RXFP2: variants seen among roughly 807,000 people sequenced by gnomAD.
RXFP2 encodes the protein relaxin family peptide receptor 2, also known as relaxin receptor 2.
In RXFP2, 68 loss-of-function variants were observed where a neutral mutation model predicts 88.6. The ratio of observed to expected loss-of-function variants is 0.77; its 90% CI spans 0.63 to 0.94. The LOEUF is 0.94. RXFP2 is among the 40% of genes least tolerant of loss of function. RXFP2 has a pLI of 0.00. For synonymous variants in RXFP2, 329 were observed against 306.8 expected (o/e 1.07, Z -0.76); for missense variants, 791 against 893.9 (o/e 0.88, Z 1.47).
At chr13:31,790,392 G>T (rs1405325712) in intron 14 of RXFP2, among the ~76,000 whole-genome samples, 2 of 152,182 alleles carry the variant, frequency 1.3e-5, no homozygotes, top group East Asian at 3.8e-4. Flanking sequence ...GAGAAGAAAA[G>T]AGTTCATTAT....
intron 2 of RXFP2, among the ~76,000 whole-genome samples, chr13:31,761,326 A>G (rs1872291347): frequency 6.6e-6 from 1 of 152,224 alleles, no homozygotes; most frequent in Non-Finnish European, 1.5e-5. Flanking sequence ...TCAGAACTCA[A>G]TATATCTATC....
Position 31,762,341 on chromosome 13 carries a change from G to A in RXFP2, c.319+540G>A, listed in dbSNP as rs1872337375. 2.6e-5 allele frequency among the ~76,000 whole-genome samples: 4 copies of A among 152,344 alleles called. No homozygotes were observed. The South Asian group carries it at 8.3e-4, about 32-fold the overall frequency. ...GAGATGGACTTTGAAGTCCATGGATGAAGGAAAGGATATGAGGTGACAGGA... is the reference window on the plus strand; with the variant it reads ...GAGATGGACTTTGAAGTCCATGGATAAAGGAAAGGATATGAGGTGACAGGA... On this transcript the variant is annotated intron_variant, in intron 3 of 17. Transcript: ENST00000298386.
At chr13:31,758,676 T>A (rs75437571) in intron 2 of RXFP2, among the ~76,000 whole-genome samples, 2 of 152,222 alleles carry the variant, frequency 1.3e-5, no homozygotes, top group Admixed American at 1.3e-4. Flanking sequence ...TCAATACTCA[T>A]ATTTTAATTA....
intron 6 of RXFP2, 137 bp downstream of exon 6, chr13:31,774,828 T>G (rs988277854): frequency 1.0e-5 from 7 of 677,874 alleles, no homozygotes; most frequent in Non-Finnish European, 1.3e-5. Context: ...AGATTAGTTA[T>G]TACACTGAAA....
intron 14 of RXFP2, 136 bp downstream of exon 14, chr13:31,789,329 AC>A (rs1255002032): frequency 2.9e-6 from 2 of 690,814 alleles, no homozygotes; most frequent in African/African-American, 3.5e-5. Flanking sequence ...TAATTTTGTC[AC>A]CTTTGGTCCC....
chr13:31,784,870 C>G (rs188977834), intron 11 of RXFP2, among the ~76,000 whole-genome samples: 2 of 152,166 alleles, frequency 1.3e-5, no homozygotes, highest in Admixed American at 1.3e-4. Context: ...CTGCTGTCCC[C>G]CTTAACCCTC....
At chr13:31,794,032 T>G (rs1566237043) in intron 16 of RXFP2, among the ~76,000 whole-genome samples, 2 of 152,192 alleles carry the variant, frequency 1.3e-5, no homozygotes. Flanking sequence ...AAAAGGACTG[T>G]GTACACCTCC....
At chr13:31,740,466 A>AT (rs1871186930) in intron 1 of RXFP2, among the ~76,000 whole-genome samples, 2 of 152,062 alleles carry the variant, frequency 1.3e-5, no homozygotes, top group East Asian at 1.9e-4. Flanking sequence ...TTTAATTTGT[A>AT]TTTTTTCTTA....
chr13:31,760,980 G>T (rs1041168381), intron 2 of RXFP2, among the ~76,000 whole-genome samples: 1 of 151,888 alleles, frequency 6.6e-6, no homozygotes, highest in African/African-American at 2.4e-5. Flanking sequence ...TTTGAGACAG[G>T]GTCTCCCTCT....
At position 31,758,348 on chromosome 13, in the gene RXFP2, C is replaced by T; in HGVS notation, c.185C>T (p.Ala62Val). Residue 62 changes from alanine to valine, a missense_variant, in exon 2 of 18, where the codon GCT becomes GTT. By Grantham distance (64) the Ala-to-Val change is moderately conservative. Transcript: ENST00000298386. Reference protein sequence around the residue: ...CGNLTKCLPRAFHCDGKDDCG... With the variant: ...CGNLTKCLPRVFHCDGKDDCG... ...AATCTTACCAAGTGCTTACCCCGAG[C>T]TTTTCACTGTGATGGCAAGGATGAC... 1 of 1,614,112 alleles carries T rather than the reference C, an allele frequency of 6.2e-7. No homozygotes were observed. Among genetic ancestry groups the T allele is most frequent in the Non-Finnish European group, 8.5e-7 (1 of 1,180,002 alleles).
intron 1 of RXFP2, among the ~76,000 whole-genome samples, chr13:31,746,612 C>A (rs1372793511): frequency 6.6e-6 from 1 of 152,176 alleles, no homozygotes; most frequent in Non-Finnish European, 1.5e-5. Context: ...GGGCCAGATT[C>A]TACTTCTTAT....
At position 31,774,707 on chromosome 13, in the gene RXFP2, C is replaced by T; in HGVS notation, c.569+16C>T. 1.1e-5 allele frequency: 14 copies of T among 1,297,100 alleles called. No individual in the cohort carries two copies. The highest frequency in any genetic ancestry group is 1.6e-5 in the Non-Finnish European group (14 of 891,312). 80.3% of individuals were successfully genotyped at this position (1,297,100 alleles called of 1,614,324 possible). ...TGCAAATATTGTGAGTAACCTCTTT[C>T]TCATATTGTAGGTATAATTTTAAGC... On this transcript the variant is annotated intron_variant, in intron 6 of 17. Transcript: ENST00000298386.
intron 3 of RXFP2, among the ~76,000 whole-genome samples, chr13:31,763,551 A>C (rs1036775085): frequency 6.6e-6 from 1 of 152,220 alleles, no homozygotes; most frequent in Admixed American, 6.5e-5. Context: ...AGGAGAAAGA[A>C]TGATGATAAA....
Position 31,802,345 on chromosome 13 carries a change from G to A in RXFP2, c.2205G>A (p.Leu735=), listed in dbSNP as rs1874391221. The A allele has an allele frequency of 6.2e-7, 1 of 1,613,656 alleles. No individual in the cohort carries two copies. The highest frequency in any genetic ancestry group is 1.7e-5 in the Admixed American group (1 of 59,998). ...SIVWIEDSSS[L]KLGVLNKITL... ...TGTGGATAGAGGACTCCTCTTCCCT[G>A]AAACTTGGGGTTTTGAACAAAATAA... Residue 735 remains leucine (L), a synonymous_variant, in exon 18 of 18, where the codon CTG becomes CTA. Transcript: ENST00000298386.
intron 9 of RXFP2, 24 bp downstream of exon 9, chr13:31,778,607 T>C (rs1873106754): frequency 1.3e-6 from 2 of 1,500,208 alleles, no homozygotes; most frequent in African/African-American, 2.8e-5. Context: ...TAGGAATTAA[T>C]TTGTTATTTG....
At chr13:31,776,813 A>G (rs1873009985) in intron 7 of RXFP2, among the ~76,000 whole-genome samples, 1 of 152,116 alleles carries the variant, frequency 6.6e-6, no homozygotes, top group Admixed American at 6.5e-5. Flanking sequence ...CCCTTACTCT[A>G]ATTTCTTCTA....
chr13:31,779,370 C>A (rs1434699368), intron 9 of RXFP2, among the ~76,000 whole-genome samples: 1 of 152,074 alleles, frequency 6.6e-6, no homozygotes, highest in Admixed American at 6.6e-5. Flanking sequence ...AGGTGATCCA[C>A]CCTCCTCAGT....
intron 5 of RXFP2, among the ~76,000 whole-genome samples, chr13:31,769,476 G>T (rs1872660251): frequency 6.6e-6 from 1 of 152,016 alleles, no homozygotes; most frequent in African/African-American, 2.4e-5. Flanking sequence ...CCTCCCCAAA[G>T]GACATAGTTT....
At position 31,792,868 on chromosome 13, in the gene RXFP2, G is replaced by A; in HGVS notation, c.1566G>A (p.Leu522=). Residue 522 remains leucine (L), a synonymous_variant, in exon 16 of 18, where the codon CTG becomes CTA. Coordinates refer to ENST00000298386, the MANE Select transcript of RXFP2 (RefSeq NM_130806.5). The stretch of plus-strand genomic sequence containing the variant: ...CCTACTTGACTTTGGAGAAGTTCCT[G>A]GTCATTGTCTTCCCCTTCAGTAACA... ...LLTYLTLEKF[L]VIVFPFSNIR... is the part of the protein sequence containing the mutation. The A allele has an allele frequency of 6.2e-7, 1 of 1,614,118 alleles. No homozygotes were observed. Among genetic ancestry groups the A allele is most frequent in the Non-Finnish European group, 8.5e-7 (1 of 1,180,022 alleles).
Sources: gnomAD v4.1 joint callset for allele counts (sites outside exome capture counted in the v4.1 genomes callset) on GRCh38, gnomAD v4.1.1 for gene constraint, MANE v1.5 for transcripts, NCBI Gene and HGNC (gene_info 2026-07-23, HGNC 2026-07-21) for gene names.